PKD1L1: variants seen among roughly 807,000 people sequenced by gnomAD.
PKD1L1 encodes the protein polycystin 1 like 1, transient receptor potential channel interacting.
A neutral mutation model predicts 323.4 loss-of-function variants in PKD1L1; 236 were observed. The ratio of observed to expected loss-of-function variants is 0.73; its 90% CI spans 0.66 to 0.81. PKD1L1 has a LOEUF of 0.81. PKD1L1 is among the 40% of genes least tolerant of loss of function. PKD1L1 has a pLI of 0.00. For synonymous variants in PKD1L1, 1,344 were observed against 1,335.0 expected, an observed-to-expected ratio of 1.01 and a Z score of -0.15; for missense variants, 3,320 against 3,508.0, an observed-to-expected ratio of 0.95 and a Z score of 1.35.
intron 56 of PKD1L1, among the ~76,000 whole-genome samples, chr7:47,791,237 G>A (rs1022791294): frequency 2.0e-5 from 3 of 152,018 alleles, no homozygotes; most frequent in Non-Finnish European, 4.4e-5. Flanking sequence ...ATTCTTCCTG[G>A]TCTGATTTCC....
At chr7:47,880,613 T>C (rs955754061) in intron 21 of PKD1L1, 115 bp downstream of exon 21, 2 of 621,450 alleles carry the variant, frequency 3.2e-6, no homozygotes, top group South Asian at 5.5e-5. Flanking sequence ...AAAAGGCAAC[T>C]GCTTAGCCTT....
At chr7:47,948,961 A>G (rs1037430953), upstream of PKD1L1, among the ~76,000 whole-genome samples, 22 of 152,290 alleles carry the variant, frequency 1.4e-4, no homozygotes, top group East Asian at 9.7e-4. Context: ...AAAATGAAAC[A>G]AAACAAAACA....
rs750003852 is a variant in PKD1L1 at position 47,835,176 on chromosome 7, G to A, written c.6011C>T (p.Ser2004Phe). The A allele has an allele frequency of 1.9e-6, 3 of 1,592,442 alleles. No individual in the cohort carries two copies. Among genetic ancestry groups the A allele is most frequent in the African/African-American group, 1.4e-5 (1 of 73,384 alleles). ...RVGLLCTLLASPGAQLLSLLF... is the reference protein window; with the variant it reads ...RVGLLCTLLAFPGAQLLSLLF... The stretch of plus-strand genomic sequence containing the variant: ...CAGGGACAAGAGCTGGGCCCCTGGA[G>A]AAGCCAGGAGGGTACACAGGAGACC... Residue 2004 changes from serine (S) to phenylalanine (F), a missense_variant, in exon 38 of 57, where the codon TCT becomes TTT. Coordinates refer to ENST00000289672, the MANE Select transcript of PKD1L1 (RefSeq NM_138295.5).
intron 26 of PKD1L1, among the ~76,000 whole-genome samples, chr7:47,864,973 G>A (rs546793238): frequency 3.3e-5 from 5 of 152,068 alleles, no homozygotes; most frequent in East Asian, 1.9e-4. Flanking sequence ...GGATCCGCCC[G>A]CCTCGGCCTC....
chr7:47,853,784 A>C (rs1037433804), intron 30 of PKD1L1, among the ~76,000 whole-genome samples: 13 of 143,532 alleles, frequency 9.1e-5, no homozygotes, highest in South Asian at 2.3e-4. Context: ...AAAAAAAAAA[A>C]CACCAAAAAC....
chr7:47,883,636 C>T (rs561575719), intron 19 of PKD1L1, among the ~76,000 whole-genome samples: 2 of 152,248 alleles, frequency 1.3e-5, no homozygotes, highest in East Asian at 1.9e-4. Context: ...CTGACCATCT[C>T]ATCCAAGAAG....
chr7:47,879,935 A>ACAAC (rs57098310), intron 21 of PKD1L1, among the ~76,000 whole-genome samples: 51,427 of 146,922 alleles, frequency 0.35, 10,077 homozygotes, highest in African/African-American at 0.53. Context: ...CGTCTCAACA[A>ACAAC]AAAAATAAAA....
At chr7:47,845,498 T>C (rs1292115657) in intron 32 of PKD1L1, among the ~76,000 whole-genome samples, 1 of 152,260 alleles carries the variant, frequency 6.6e-6, no homozygotes, top group Admixed American at 6.5e-5. Context: ...TGACAATCAC[T>C]GTAAACACTG....
At chr7:47,847,361 C>T (rs1389999479) in intron 31 of PKD1L1, among the ~76,000 whole-genome samples, 1 of 152,294 alleles carries the variant, frequency 6.6e-6, no homozygotes, top group South Asian at 2.1e-4. Context: ...CCCCCTGACA[C>T]CCTGAACAGG....
At chr7:47,786,461 A>G (rs1168392173) in intron 56 of PKD1L1, among the ~76,000 whole-genome samples, 1 of 152,178 alleles carries the variant, frequency 6.6e-6, no homozygotes, top group Non-Finnish European at 1.5e-5. Context: ...GGGGACCCCA[A>G]ATGTGAAAGG....
In PKD1L1 at chr7:47,905,855, A is replaced by T; in HGVS notation, c.1510T>A (p.Tyr504Asn). ...SQAWHSMTVW[Y>N]KMQSVSVYTN... The stretch of plus-strand genomic sequence containing the variant: ...AACAAAGACATACATTGCATCTTAT[A>T]CCAGACAGTCATGCTGTGCCAAGCC... The change falls in exon 10 of 57, where the codon TAT becomes AAT. Residue 504 changes from tyrosine to asparagine, a missense_variant. Transcript: ENST00000289672. The T allele has an allele frequency of 6.2e-7, 1 of 1,613,072 alleles. No individual in the cohort carries two copies. Among genetic ancestry groups the T allele is most frequent in the Non-Finnish European group, 8.5e-7 (1 of 1,179,840 alleles).
At chr7:47,818,341 G>A (rs2128731582) in intron 46 of PKD1L1, 1 of 462,582 alleles carries the variant, frequency 2.2e-6, no homozygotes, top group African/African-American at 2.1e-5. Context: ...AAAGTGTTGA[G>A]CATCTGCTGT....
At chr7:47,939,680 C>G (rs953969881) in intron 3 of PKD1L1, among the ~76,000 whole-genome samples, 1 of 152,190 alleles carries the variant, frequency 6.6e-6, no homozygotes, top group East Asian at 1.9e-4. Flanking sequence ...TCAACGAGCT[C>G]CCCACACTGC....
At chr7:47,911,236 C>T (rs1020416243) in intron 8 of PKD1L1, among the ~76,000 whole-genome samples, 1 of 152,134 alleles carries the variant, frequency 6.6e-6, no homozygotes, top group Non-Finnish European at 1.5e-5. Context: ...CTCACTCTCT[C>T]TCATTTCTGC....
intron 55 of PKD1L1, 145 bp downstream of exon 55, chr7:47,795,844 G>T: frequency 2.1e-6 from 2 of 950,016 alleles, no homozygotes; most frequent in Non-Finnish European, 3.2e-6. Context: ...GTTCCACTAT[G>T]ATTGAGACTA....
chr7:47,866,472 G>C lies in PKD1L1; in HGVS notation c.4039C>G (p.Arg1347Gly), dbSNP rs370984700. The C allele has an allele frequency of 2.7e-4, 441 of 1,613,730 alleles. No homozygotes were observed. Among genetic ancestry groups the C allele is most frequent in the Non-Finnish European group, 3.5e-4 (413 of 1,179,916 alleles). The stretch of plus-strand genomic sequence containing the variant: ...GAAGAAATTAATGCATCCTGTATTC[G>C]TGACCATTGGTTGCAGGAGGCAGTT... ...DKTASCNQWSRIQDALISSVC... is the reference protein window; with the variant it reads ...DKTASCNQWSGIQDALISSVC... The change falls in exon 25 of 57, where the codon CGA becomes GGA. Residue 1347 changes from arginine (R) to glycine (G), a missense_variant. Transcript: ENST00000289672.
intron 24 of PKD1L1, among the ~76,000 whole-genome samples, chr7:47,871,582 C>T (rs1786280601): frequency 6.6e-6 from 1 of 152,232 alleles, no homozygotes; most frequent in Admixed American, 6.5e-5. Context: ...CTCTTAACTA[C>T]TGTTGCACTG....
intron 16 of PKD1L1, among the ~76,000 whole-genome samples, chr7:47,889,456 A>C (rs552320266): frequency 5.0e-4 from 76 of 152,236 alleles, no homozygotes; most frequent in African/African-American, 1.5e-3. Context: ...AGAGCCTCAA[A>C]TAACAGTCAG....
chr7:47,892,640 A>C (rs1159648322), intron 15 of PKD1L1, among the ~76,000 whole-genome samples: 2 of 152,220 alleles, frequency 1.3e-5, no homozygotes, highest in African/African-American at 4.8e-5. Flanking sequence ...TTAACAGTCC[A>C]GACTTTAACA....
Sources: gnomAD v4.1 joint callset for allele counts (sites outside exome capture counted in the v4.1 genomes callset) on GRCh38, gnomAD v4.1.1 for gene constraint, MANE v1.5 for transcripts, NCBI Gene and HGNC (gene_info 2026-07-23, HGNC 2026-07-21) for gene names.